ACAT1: variants seen among roughly 807,000 people sequenced by gnomAD.
ACAT1 encodes the protein acetyl-CoA acetyltransferase 1, also known as acetyl-CoA acetyltransferase, mitochondrial.
In ACAT1, 28 loss-of-function variants were observed where a neutral mutation model predicts 47.3. That is an observed-to-expected ratio of 0.59 (90% confidence interval 0.44 to 0.81). ACAT1 has a LOEUF of 0.81. ACAT1 is among the 30% of genes least tolerant of loss of function. The probability of loss-of-function intolerance (pLI) is 0.00; values close to 1 mark genes in which losing one functional copy is unlikely to be tolerated. For missense variants in ACAT1, 469 were observed against 524.3 expected (o/e 0.89, Z 1.03); for synonymous variants, 181 against 173.6 (o/e 1.04, Z -0.34).
chr11:108,134,641 G>GAAAAAAAAA (rs71047674), intron 4 of ACAT1, among the ~76,000 whole-genome samples: 1 of 64,116 alleles, frequency 1.6e-5, no homozygotes, highest in Non-Finnish European at 2.9e-5. Flanking sequence ...CTGTCTGAAA[G>GAAAAAAAAA]AAAAAAAAAA....
At chr11:108,120,383 T>C (rs1400081890), upstream of ACAT1, among the ~76,000 whole-genome samples, 1 of 151,918 alleles carries the variant, frequency 6.6e-6, no homozygotes, top group Non-Finnish European at 1.5e-5. Flanking sequence ...CCTGTAGTCC[T>C]AGCTACGTAG....
At chr11:108,132,577 G>A (rs565669629) in intron 2 of ACAT1, among the ~76,000 whole-genome samples, 37 of 152,128 alleles carry the variant, frequency 2.4e-4, no homozygotes, top group Middle Eastern at 6.8e-3. Flanking sequence ...GCTCTGGGCC[G>A]GGTGCGGTGG....
At chr11:108,119,230 G>A (rs1263474837), upstream of ACAT1, among the ~76,000 whole-genome samples, 4 of 151,132 alleles carry the variant, frequency 2.6e-5, no homozygotes, top group African/African-American at 7.3e-5. Flanking sequence ...TTGAGACACA[G>A]TCTCATTCTG....
At chr11:108,121,547 G>A, upstream of ACAT1, 2 of 1,521,164 alleles carry the variant, frequency 1.3e-6, no homozygotes, top group South Asian at 1.2e-5. Context: ...TAGGGGTGCG[G>A]GGTTGGGGAG....
upstream of ACAT1, among the ~76,000 whole-genome samples, chr11:108,120,875 A>G (rs2077135023): frequency 6.7e-6 from 1 of 149,604 alleles, no homozygotes; most frequent in Non-Finnish European, 1.5e-5. Context: ...CCTAGGCAAC[A>G]TAGGGAGACC....
intron 2 of ACAT1, among the ~76,000 whole-genome samples, chr11:108,132,300 G>A (rs768706154): frequency 3.9e-5 from 6 of 152,064 alleles, no homozygotes; most frequent in Admixed American, 6.6e-5. Context: ...TGGACCAGTT[G>A]GGAATTAGAC....
intron 5 of ACAT1, 108 bp downstream of exon 5, chr11:108,135,350 G>A (rs1460459369): frequency 1.2e-6 from 1 of 839,788 alleles, no homozygotes; most frequent in East Asian, 2.7e-5. Context: ...TTTCTCATAA[G>A]TTAGTATGTT....
At chr11:108,118,534 C>T (rs919599055), upstream of ACAT1, among the ~76,000 whole-genome samples, 1 of 152,106 alleles carries the variant, frequency 6.6e-6, no homozygotes, top group Non-Finnish European at 1.5e-5. Context: ...CCCTCCATGC[C>T]CAGCTAATTT....
intron 9 of ACAT1, chr11:108,142,969 T>C (rs908388782): frequency 1.6e-5 from 3 of 191,336 alleles, no homozygotes; most frequent in Non-Finnish European, 2.2e-5. Context: ...GATACATATT[T>C]CAATTGAGAT....
chr11:108,134,553 G>A (rs182825112), intron 4 of ACAT1: 334 of 319,264 alleles, frequency 1.0e-3, no homozygotes, highest in Non-Finnish European at 1.5e-3. Flanking sequence ...CAGGAGCATC[G>A]CTTGAACCCA....
At chr11:108,142,877 G>T in intron 9 of ACAT1, 1 of 276,632 alleles carries the variant, frequency 3.6e-6, no homozygotes, top group South Asian at 4.4e-5. Context: ...AGCTCTTCAT[G>T]AAATTGAGTT....
chr11:108,121,243 G>A, upstream of ACAT1: 1 of 372,046 alleles, frequency 2.7e-6, no homozygotes, highest in Admixed American at 4.0e-5. Context: ...ATGAGTTTGT[G>A]CTGGGTAGGC....
intron 1 of ACAT1, among the ~76,000 whole-genome samples, chr11:108,127,715 T>C (rs935349872): frequency 1.3e-5 from 2 of 152,156 alleles, no homozygotes; most frequent in Admixed American, 6.5e-5. Flanking sequence ...CTGAGGTAAA[T>C]ATGACTAATG....
At chr11:108,146,448 TTAAG>T in intron 11 of ACAT1, 89 bp downstream of exon 11, 1 of 1,493,064 alleles carries the variant, frequency 6.7e-7, no homozygotes, top group South Asian at 1.2e-5. Flanking sequence ...CCCATTGCTC[TTAAG>T]TTTTCCTTCC....
In ACAT1 at chr11:108,147,508, A is replaced by ATGTT. The variant is rs1462104560; in HGVS notation, c.*119_*122dup. On this transcript the variant is annotated 3_prime_UTR_variant, in exon 12 of 12. Transcript: ENST00000265838. ...GCTGTTTCATTTTTTATTATTTTCTATGTTAACTTTTAAAAATCAAAATGA... is the reference window on the plus strand; with the variant it reads ...GCTGTTTCATTTTTTATTATTTTCTATGTTTGTTAACTTTTAAAAATCAAAATGA... 1 of 1,306,388 alleles carries ATGTT rather than the reference A, an allele frequency of 7.7e-7. No individual in the cohort carries two copies. The highest frequency in any genetic ancestry group is 1.5e-5 in the African/African-American group (1 of 67,138). 80.9% of individuals were successfully genotyped at this position (1,306,388 alleles called of 1,614,324 possible).
intron 9 of ACAT1, chr11:108,143,049 A>G (rs1384504199): frequency 1.2e-5 from 2 of 160,662 alleles, no homozygotes; most frequent in African/African-American, 4.8e-5. Context: ...ACAGTGGTTC[A>G]CGCCTGTAAC....
At chr11:108,127,470 G>T (rs1405512576) in intron 1 of ACAT1, among the ~76,000 whole-genome samples, 1 of 151,604 alleles carries the variant, frequency 6.6e-6, no homozygotes, top group East Asian at 2.0e-4. Flanking sequence ...GGGTTTCACC[G>T]TGTTAGCCAG....
intron 2 of ACAT1, among the ~76,000 whole-genome samples, chr11:108,132,217 A>C (rs2077374959): frequency 6.6e-6 from 1 of 152,036 alleles, no homozygotes; most frequent in Non-Finnish European, 1.5e-5. Flanking sequence ...TTCTTCTTTT[A>C]CTCACAGGGA....
intron 9 of ACAT1, 135 bp downstream of exon 9, chr11:108,142,685 A>T (rs923389881): frequency 8.5e-6 from 6 of 709,786 alleles, no homozygotes; most frequent in Non-Finnish European, 1.5e-5. Flanking sequence ...AAAAGTTAAA[A>T]AATTAGCTGA....
Sources: gnomAD v4.1 joint callset for allele counts (sites outside exome capture counted in the v4.1 genomes callset) on GRCh38, gnomAD v4.1.1 for gene constraint, MANE v1.5 for transcripts, NCBI Gene and HGNC (gene_info 2026-07-23, HGNC 2026-07-21) for gene names.